The following PSG6 variants were observed in gnomAD, a reference collection of about 807,000 sequenced individuals.
The protein encoded by PSG6 is pregnancy specific beta-1-glycoprotein 6, also known as pregnancy-specific beta-1-glycoprotein 6.
In PSG6, 51 loss-of-function variants were observed where a neutral mutation model predicts 43.3. The observed-to-expected ratio is 1.18, with a 90% CI of 0.94 to 1.49. The LOEUF is 1.49. Among genes scored for constraint, PSG6 ranks in the 40% most tolerant of loss-of-function variants. PSG6 has a pLI of 0.00. For synonymous variants in PSG6, 292 were observed against 197.6 expected (o/e 1.48, Z -4.01); for missense variants, 770 against 522.2 (o/e 1.47, Z -4.62).
chr19:42,908,952 GGA>G (rs1381985641), intron 3 of PSG6, among the ~76,000 whole-genome samples: 4 of 151,628 alleles, frequency 2.6e-5, no homozygotes, highest in African/African-American at 9.7e-5. Context: ...TATACAAGTT[GGA>G]GAGGTTCTAG....
chr19:42,903,816 C>T lies in PSG6; in HGVS notation c.1241-1370G>A, dbSNP rs917019518. ...GCTGAAGAAGGAGAATTGCTTGAGC[C>T]CAGGAGGTTGAGGCTGCAGTGAGCC... On this transcript the variant is annotated intron_variant, in intron 5 of 5. Transcript: ENST00000187910. 5 of 1,405,852 alleles carry T rather than the reference C, an allele frequency of 3.6e-6. No individual in the cohort carries two copies. In the African/African-American group the frequency reaches 5.9e-5, roughly 17 times the overall value. The allele number at this position is 1,405,852 out of a possible 1,614,324, so 87.1% of individuals were successfully genotyped here.
intron 3 of PSG6, among the ~76,000 whole-genome samples, chr19:42,908,157 G>C (rs952752243): frequency 3.3e-5 from 5 of 151,760 alleles, no homozygotes; most frequent in African/African-American, 1.2e-4. Flanking sequence ...TCCATAATCA[G>C]TTGACTGGCT....
rs530079493 is a variant in PSG6, at chr19:42,913,864, G to A, written c.427+2261C>T. Among the ~76,000 whole-genome samples the A allele has an allele frequency of 4.5e-4, 68 of 151,488 alleles. 1 individual carries two copies. Among genetic ancestry groups the A allele is most frequent in the African/African-American group, 1.3e-3 (53 of 41,300 alleles). ...GCCCGCATGATTCCATCACCAATCA[G>A]CAGTACTCATTTTTTAGTCCTGTGC... On this transcript the variant is annotated intron_variant, in intron 2 of 5. Transcript: ENST00000187910.
intron 2 of PSG6, among the ~76,000 whole-genome samples, chr19:42,914,872 G>A (rs1195881171): frequency 2.0e-5 from 3 of 151,614 alleles, no homozygotes; most frequent in African/African-American, 7.3e-5. Context: ...TGGACACTTG[G>A]GAAACACAGG....
Position 42,902,962 on chromosome 19 carries a change from C to A in PSG6, c.1241-516G>T, listed in dbSNP as rs1294596235. Among the ~76,000 whole-genome samples, 3 of 151,570 alleles carry A rather than the reference C, an allele frequency of 2.0e-5. No individual in the cohort carries two copies. The East Asian group carries it at 5.8e-4, about 29-fold the overall frequency. ...TGAGGTGCACTTTCTATGTGCCAGG[C>A]CCTGTGCTCAATACTTTACCTGTAT... On this transcript the variant is annotated intron_variant, in intron 5 of 5. Transcript: ENST00000187910.
chr19:42,907,837 A>C lies in PSG6; in HGVS notation c.724T>G (p.Tyr242Asp). Residue 242 changes from tyrosine to aspartate, a missense_variant, in exon 4 of 6, where the codon TAC becomes GAC. Transcript: ENST00000187910. Reference sequence around the variant, plus strand: ...GGGTTTAAGTTGTTGATGGTGATGTAAGGCATGGGCAGCTTCGCTGTGTGG... The same window carrying C: ...GGGTTTAAGTTGTTGATGGTGATGTCAGGCATGGGCAGCTTCGCTGTGTGG... ...LNLLPKLPMP[Y>D]ITINNLNPRE... 1 of 1,611,562 alleles carries C rather than the reference A, an allele frequency of 6.2e-7. No homozygotes were observed. Among genetic ancestry groups the C allele is most frequent in the South Asian group, 1.1e-5 (1 of 90,804 alleles).
intron 5 of PSG6, among the ~76,000 whole-genome samples, chr19:42,905,740 A>C (rs1198962803): frequency 6.6e-6 from 1 of 151,712 alleles, no homozygotes; most frequent in African/African-American, 2.4e-5. Flanking sequence ...TTCAACCTTA[A>C]CAAGGAAGAA....
At chr19:42,915,820 C>T (rs1392608440) in intron 2 of PSG6, 11 of 515,208 alleles carry the variant, frequency 2.1e-5, no homozygotes, top group Non-Finnish European at 3.3e-5. Context: ...CAGGGTCTTT[C>T]TCAGGGTCAA....
chr19:42,914,604 T>G lies in PSG6; in HGVS notation c.427+1521A>C, dbSNP rs1049029676. 3.2e-4 allele frequency among the ~76,000 whole-genome samples: 48 copies of G among 151,000 alleles called. 2 individuals are homozygous for G. Among genetic ancestry groups the G allele is most frequent in the Non-Finnish European group, 4.9e-4 (33 of 67,746 alleles). ...TGCATGAGGTGGGGTGGCTTTAGGG[T>G]CAAGAGGTAGTGGGGGGATGAAACA... On this transcript the variant is annotated intron_variant, in intron 2 of 5. Transcript: ENST00000187910.
At chr19:42,903,714 T>C (rs1363785604) in intron 5 of PSG6, 4 of 1,510,898 alleles carry the variant, frequency 2.6e-6, no homozygotes, top group Admixed American at 2.2e-5. Context: ...CCTGGGGAGA[T>C]GCTGTCTCTA....
chr19:42,916,607 C>T (rs1600552019), intron 1 of PSG6, 120 bp from the exon 2 acceptor site: 1 of 1,360,382 alleles, frequency 7.4e-7, no homozygotes, highest in Non-Finnish European at 1.0e-6. Context: ...CACACACACA[C>T]ATACAAACAC....
intron 2 of PSG6, among the ~76,000 whole-genome samples, chr19:42,914,770 AGT>A (rs1216933368): frequency 6.6e-6 from 1 of 151,468 alleles, no homozygotes; most frequent in Non-Finnish European, 1.5e-5. Context: ...AGAGCTCCTG[AGT>A]GTGTCTCTCT....
At position 42,907,493 on chromosome 19, in the gene PSG6, C is replaced by T. The variant is rs1405173878; in HGVS notation, c.985+83G>A. ...GAAGTAAAGTTGTCTATACTTGGAC[C>T]GGAGAGAGACTGAGAGGCCTGGCCT... On this transcript the variant is annotated intron_variant, in intron 4 of 5. Coordinates refer to ENST00000187910, the MANE Select transcript of PSG6 (RefSeq NM_001031850.4). 91 of 1,584,444 alleles carry T rather than the reference C, an allele frequency of 5.7e-5. 2 individuals carry two copies. Among genetic ancestry groups the T allele is most frequent in the East Asian group, 1.3e-4 (6 of 44,694 alleles).
rs368169402 is a variant in PSG6 at position 42,906,113 on chromosome 19, C to G, written c.1240+809G>C. ...TAATTACACACTTTTTGGCACTGCC[C>G]CTTTCCTGCCATGCAGAGCCCCAGG... is the stretch of plus-strand genomic sequence containing the variant. On this transcript the variant is annotated intron_variant, in intron 5 of 5. Coordinates refer to ENST00000187910, the MANE Select transcript of PSG6 (RefSeq NM_001031850.4). Among the ~76,000 whole-genome samples the G allele has an allele frequency of 6.7e-4, 102 of 151,594 alleles. 6 individuals carry two copies. The South Asian group carries it at 0.021, about 31-fold the overall frequency.
At chr19:42,915,858 G>A (rs1417373450) in intron 2 of PSG6, 3 of 576,488 alleles carry the variant, frequency 5.2e-6, no homozygotes, top group Admixed American at 6.6e-5. Flanking sequence ...GAGGTGCTTG[G>A]CTGAGACTGA....
intron 2 of PSG6, chr19:42,915,909 T>C: frequency 1.4e-6 from 1 of 698,414 alleles, no homozygotes. Context: ...GTCCTTCCTC[T>C]GCAGCGAGTG....
chr19:42,917,367 T>A (rs1031604342), intron 1 of PSG6, among the ~76,000 whole-genome samples: 1 of 144,084 alleles, frequency 6.9e-6, no homozygotes, highest in Admixed American at 6.9e-5. Context: ...TTTATTCTTT[T>A]TTTTTTTTTT....
At chr19:42,912,845 A>T (rs2122639965) in intron 2 of PSG6, among the ~76,000 whole-genome samples, 1 of 151,820 alleles carries the variant, frequency 6.6e-6, no homozygotes, top group South Asian at 2.1e-4. Flanking sequence ...TGTATGTGGC[A>T]CAGGCAGTAA....
chr19:42,903,255 T>C (rs1304245067), intron 5 of PSG6, among the ~76,000 whole-genome samples: 1 of 151,580 alleles, frequency 6.6e-6, no homozygotes, highest in African/African-American at 2.4e-5. Flanking sequence ...AAAGTACTCT[T>C]ATTGCAATTT....
Sources: allele counts gnomAD v4.1 joint callset (sites outside exome capture counted in the v4.1 genomes callset), GRCh38; gene constraint gnomAD v4.1.1; transcripts MANE v1.5; gene names NCBI Gene and HGNC (gene_info 2026-07-23, HGNC 2026-07-21).